The following OR2L13 variants were observed in gnomAD, a reference collection of about 807,000 sequenced individuals.
OR2L13 encodes olfactory receptor 2L13.
In OR2L13, 14 loss-of-function variants were observed where a neutral mutation model predicts 15.3. The ratio of observed to expected loss-of-function variants is 0.91; its 90% CI spans 0.60 to 1.43. OR2L13 has a LOEUF of 1.43. OR2L13 is among the 40% of genes most tolerant of loss of function. The pLI is 0.00. For missense variants in OR2L13, 367 were observed against 387.9 expected (o/e 0.95, Z 0.45); for synonymous variants, 152 against 142.9 (o/e 1.06, Z -0.45).
At chr1:248,038,365 T>C in the OR2L13 span, 2 of 1,613,598 alleles carry the variant, frequency 1.2e-6, no homozygotes, top group East Asian at 2.2e-5. Flanking sequence ...ATTTTTCTCA[T>C]TTTCCTAATG....
At chr1:247,938,768 G>C in the OR2L13 span, among the ~76,000 whole-genome samples, 1 of 152,180 alleles carries the variant, frequency 6.6e-6, no homozygotes, top group Non-Finnish European at 1.5e-5. Flanking sequence ...ATTGGAAGTG[G>C]AAAGTAAGAT....
At chr1:248,028,772 G>A in the OR2L13 span, among the ~76,000 whole-genome samples, 1 of 152,126 alleles carries the variant, frequency 6.6e-6, no homozygotes, top group Non-Finnish European at 1.5e-5. Context: ...TGTGACCCTG[G>A]TGGGTAGTTT....
upstream of OR2L13, among the ~76,000 whole-genome samples, chr1:248,090,713 T>G (rs1288034376): frequency 6.6e-6 from 1 of 152,220 alleles, no homozygotes; most frequent in South Asian, 2.1e-4. Context: ...TGATTCCATG[T>G]CTTCGCTATT....
the OR2L13 span, among the ~76,000 whole-genome samples, chr1:247,977,883 T>C: frequency 6.6e-6 from 1 of 152,164 alleles, no homozygotes; most frequent in Non-Finnish European, 1.5e-5. Context: ...CGCTGTCTAG[T>C]GACTCCATCA....
chr1:248,056,652 G>C, the OR2L13 span, among the ~76,000 whole-genome samples: 16 of 141,818 alleles, frequency 1.1e-4, no homozygotes, highest in African/African-American at 4.0e-4. Flanking sequence ...TTTCCCTGTA[G>C]TTGTGTGGTT....
chr1:248,046,090 TA>T, the OR2L13 span, among the ~76,000 whole-genome samples: 1 of 151,516 alleles, frequency 6.6e-6, no homozygotes, highest in Admixed American at 6.6e-5. Flanking sequence ...CGAGAACATT[TA>T]AAGTACTCTA....
chr1:247,950,415 AT>A, the OR2L13 span, among the ~76,000 whole-genome samples: 1 of 152,180 alleles, frequency 6.6e-6, no homozygotes, highest in African/African-American at 2.4e-5. Context: ...CATCAGGTAA[AT>A]TTTAGATCAA....
the OR2L13 span, chr1:248,055,886 A>G: frequency 1.3e-5 from 2 of 150,758 alleles, no homozygotes; most frequent in African/African-American, 4.9e-5. Flanking sequence ...TTCAGCTGTA[A>G]TCCATCTGAA....
chr1:248,095,607 C>CTTTTTTGTTTTTTTTTTT (rs1664716034), upstream of OR2L13, among the ~76,000 whole-genome samples: 1 of 37,294 alleles, frequency 2.7e-5, no homozygotes, highest in Non-Finnish European at 5.4e-5. Context: ...AAAGCTGCTG[C>CTTTTTTGTTTTTTTTTTT]TTTTTTTTTT....
At chr1:248,028,694 C>A in the OR2L13 span, among the ~76,000 whole-genome samples, 2 of 152,150 alleles carry the variant, frequency 1.3e-5, no homozygotes, top group African/African-American at 2.4e-5. Flanking sequence ...AGGAAACTCT[C>A]AGGAGATCTG....
the OR2L13 span, among the ~76,000 whole-genome samples, chr1:247,986,720 G>A: frequency 2.8e-4 from 43 of 152,224 alleles, 1 homozygote; most frequent in Admixed American, 1.6e-3. Context: ...CCATTTTCAC[G>A]ATATTGATTC....
the OR2L13 span, among the ~76,000 whole-genome samples, chr1:248,026,265 C>T: frequency 3.3e-5 from 5 of 152,186 alleles, no homozygotes; most frequent in Non-Finnish European, 5.9e-5. Flanking sequence ...CCTTGAACAA[C>T]GCGGACTTGA....
the OR2L13 span, chr1:248,042,366 G>C: frequency 2.1e-5 from 2 of 93,840 alleles, no homozygotes; most frequent in African/African-American, 7.8e-5. Flanking sequence ...GGGGTGGGGG[G>C]AGGGGGGAGG....
chr1:247,990,468 A>G, the OR2L13 span: 3 of 1,577,918 alleles, frequency 1.9e-6, no homozygotes, highest in East Asian at 2.2e-5. Context: ...GCTCTCCCTC[A>G]TTGACCTAAA....
At chr1:248,096,036 A>G (rs1024233611), upstream of OR2L13, among the ~76,000 whole-genome samples, 7 of 152,094 alleles carry the variant, frequency 4.6e-5, no homozygotes, top group East Asian at 3.9e-4. Flanking sequence ...TTTTCCTATC[A>G]TCAGGAAACT....
At chr1:247,970,056 T>A in the OR2L13 span, among the ~76,000 whole-genome samples, 1 of 152,306 alleles carries the variant, frequency 6.6e-6, no homozygotes. Context: ...AGCATTGTAA[T>A]AACCTGCCAG....
the OR2L13 span, chr1:248,003,702 C>G: frequency 6.2e-7 from 1 of 1,613,138 alleles, no homozygotes; most frequent in Non-Finnish European, 8.5e-7. Flanking sequence ...TGCATGGACA[C>G]CTGGGTCTAT....
At chr1:248,055,565 G>A in the OR2L13 span, among the ~76,000 whole-genome samples, 2 of 152,140 alleles carry the variant, frequency 1.3e-5, no homozygotes, top group Admixed American at 1.3e-4. Flanking sequence ...AGACCAGCCT[G>A]GCCAACTTCG....
the OR2L13 span, chr1:247,975,602 G>T: frequency 7.6e-7 from 1 of 1,311,522 alleles, no homozygotes; most frequent in East Asian, 2.3e-5. Context: ...CTGAGAAACA[G>T]GGAGGTGATG....
Sources: allele counts gnomAD v4.1 joint callset (sites outside exome capture counted in the v4.1 genomes callset), GRCh38; gene constraint gnomAD v4.1.1; transcripts MANE v1.5; gene names NCBI Gene and HGNC (gene_info 2026-07-23, HGNC 2026-07-21).